The following PUM3 variants were observed in gnomAD, a reference collection of about 807,000 sequenced individuals.
The protein encoded by PUM3 is pumilio RNA binding family member 3.
Under a neutral mutation model 84.0 loss-of-function variants are expected in PUM3, and 91 were observed. That is an observed-to-expected ratio of 1.08 (90% CI 0.91 to 1.29). PUM3 has a LOEUF of 1.29. Ranked by LOEUF, PUM3 falls within the 50% of genes most tolerant of loss-of-function variation. The pLI, the probability that PUM3 is intolerant of heterozygous loss-of-function variation, is 0.00. For synonymous variants in PUM3, 321 were observed against 266.7 expected, an observed-to-expected ratio of 1.20 and a Z score of -1.98; for missense variants, 1,067 against 767.5, an observed-to-expected ratio of 1.39 and a Z score of -4.61.
chr9:2,807,522 G>C (rs1390130821), intron 17 of PUM3, among the ~76,000 whole-genome samples: 1 of 140,476 alleles, frequency 7.1e-6, no homozygotes, highest in Non-Finnish European at 1.5e-5. Context: ...AGGAAAACTT[G>C]AGCCCAGGAG....
chr9:2,814,773 T>A (rs1282032313), intron 13 of PUM3, among the ~76,000 whole-genome samples: 1 of 151,430 alleles, frequency 6.6e-6, no homozygotes, highest in Non-Finnish European at 1.5e-5. Flanking sequence ...CTCTGAAATA[T>A]AACACCTTTA....
intron 13 of PUM3, among the ~76,000 whole-genome samples, chr9:2,819,777 T>C (rs1821548625): frequency 6.6e-6 from 1 of 152,218 alleles, no homozygotes; most frequent in Admixed American, 6.5e-5. Context: ...ATAAAAGTGT[T>C]AAATCTTAAT....
At chr9:2,821,443 CAAA>C (rs572752267) in intron 12 of PUM3, among the ~76,000 whole-genome samples, 22 of 50,128 alleles carry the variant, frequency 4.4e-4, no homozygotes, top group African/African-American at 1.5e-3. Flanking sequence ...GACTCTGTCT[CAAA>C]AAAAAAAAAA....
intron 1 of PUM3, among the ~76,000 whole-genome samples, chr9:2,843,416 A>C (rs923655743): frequency 1.1e-4 from 16 of 151,980 alleles, no homozygotes; most frequent in African/African-American, 3.9e-4. Flanking sequence ...ATCTGCGTAC[A>C]TTCAGGCAAA....
In PUM3 at chr9:2,829,921, G is replaced by A. The variant is rs150249969; in HGVS notation, c.705C>T (p.Ile235=). The A allele has an allele frequency of 1.9e-6, 3 of 1,613,282 alleles. No individual in the cohort carries two copies. In the African/African-American group the frequency reaches 4.0e-5, roughly 22 times the overall value. Residue 235 remains isoleucine (I), a synonymous_variant, in exon 8 of 18, where the codon ATC becomes ATT. Coordinates refer to ENST00000397885, the MANE Select transcript of PUM3 (RefSeq NM_014878.5). Reference sequence around the variant, plus strand: ...TCCTCACGTGGCCTTTAAAACTTCTGATTATCTCTGCAATCTGTGGTTTAC... The same window carrying A: ...TCCTCACGTGGCCTTTAAAACTTCTAATTATCTCTGCAATCTGTGGTTTAC... ...YGSKPQIAEI[I]RSFKGHVRKM... is the part of the protein sequence containing the mutation.
intron 1 of PUM3, among the ~76,000 whole-genome samples, chr9:2,841,962 C>G (rs1939813669): frequency 6.6e-6 from 1 of 152,206 alleles, no homozygotes; most frequent in Non-Finnish European, 1.5e-5. Flanking sequence ...AGTCCTGTCA[C>G]TCTAAAAAGT....
chr9:2,828,489 C>T, intron 9 of PUM3, 186 bp downstream of exon 9: 2 of 543,706 alleles, frequency 3.7e-6, no homozygotes, highest in Non-Finnish European at 6.5e-6. Context: ...TTATAGGGTA[C>T]AATATCAGAA....
At chr9:2,810,531 G>T in intron 15 of PUM3, 100 bp from the exon 16 acceptor site, 1 of 774,156 alleles carries the variant, frequency 1.3e-6, no homozygotes, top group Non-Finnish European at 2.1e-6. Context: ...TACAGATAAG[G>T]ACTCAGCCAC....
intron 13 of PUM3, 132 bp from the exon 14 acceptor site, chr9:2,812,494 A>T: frequency 1.6e-6 from 1 of 637,730 alleles, no homozygotes; most frequent in Non-Finnish European, 2.6e-6. Flanking sequence ...AAATTATAGT[A>T]TATGTGCTGC....
At chr9:2,842,850 A>T (rs1276704673) in intron 1 of PUM3, among the ~76,000 whole-genome samples, 1 of 152,170 alleles carries the variant, frequency 6.6e-6, no homozygotes, top group Admixed American at 6.5e-5. Flanking sequence ...AAACAACAAT[A>T]TACTATTTTT....
chr9:2,813,758 G>T (rs947866294), intron 13 of PUM3, among the ~76,000 whole-genome samples: 3 of 152,176 alleles, frequency 2.0e-5, no homozygotes, highest in African/African-American at 7.2e-5. Flanking sequence ...TGATGATGCT[G>T]CTCCAGGTTC....
At chr9:2,804,531 C>A in intron 17 of PUM3, 68 bp from the exon 18 acceptor site, 1 of 1,454,714 alleles carries the variant, frequency 6.9e-7, no homozygotes, top group Non-Finnish European at 9.3e-7. Flanking sequence ...CCTGTACCAA[C>A]AGTAAAAAAG....
intron 8 of PUM3, among the ~76,000 whole-genome samples, chr9:2,829,279 T>A (rs1040534646): frequency 3.3e-5 from 5 of 152,232 alleles, no homozygotes; most frequent in African/African-American, 1.2e-4. Context: ...CTAGTCCCAC[T>A]GCTAACTATT....
At chr9:2,828,611 T>C in intron 9 of PUM3, 64 bp downstream of exon 9, 4 of 960,398 alleles carry the variant, frequency 4.2e-6, no homozygotes, top group Non-Finnish European at 5.0e-6. Context: ...TGGGCAACAG[T>C]TATGGAAAAC....
intron 3 of PUM3, among the ~76,000 whole-genome samples, chr9:2,834,612 T>C (rs978077405): frequency 6.6e-6 from 1 of 152,210 alleles, no homozygotes; most frequent in African/African-American, 2.4e-5. Context: ...AAGTCACTTA[T>C]TTCTTACAAC....
Position 2,824,924 on chromosome 9 carries a change from G to C in PUM3, c.1036-109C>G, listed in dbSNP as rs559645177. The C allele has an allele frequency of 8.1e-4, 457 of 567,522 alleles. 4 individuals carry two copies. Among genetic ancestry groups the C allele is most frequent in the Middle Eastern group, 5.4e-3 (19 of 3,506 alleles). The allele number at this position is 567,522 out of a possible 1,614,324, so 35.2% of individuals were successfully genotyped here. On this transcript the variant is annotated intron_variant, in intron 10 of 17. Coordinates refer to ENST00000397885, the MANE Select transcript of PUM3 (RefSeq NM_014878.5). Reference sequence around the variant, plus strand: ...TTATGCAGAGAGAAGGAAAGGAAGAGAGTGCCAGGTAGCAAACAATTTCAT... The same window carrying C: ...TTATGCAGAGAGAAGGAAAGGAAGACAGTGCCAGGTAGCAAACAATTTCAT...
At chr9:2,840,963 T>C (rs139537204) in intron 1 of PUM3, among the ~76,000 whole-genome samples, 2 of 152,356 alleles carry the variant, frequency 1.3e-5, no homozygotes, top group Non-Finnish European at 2.9e-5. Flanking sequence ...GAAACACATA[T>C]ATGTATATTA....
intron 1 of PUM3, among the ~76,000 whole-genome samples, chr9:2,843,494 G>C (rs900431993): frequency 1.3e-5 from 2 of 152,134 alleles, no homozygotes; most frequent in South Asian, 2.1e-4. Context: ...GCACGGGCTG[G>C]GATTCCGGAG....
chr9:2,831,696 A>C (rs1815986466), intron 5 of PUM3, among the ~76,000 whole-genome samples: 1 of 152,140 alleles, frequency 6.6e-6, no homozygotes, highest in South Asian at 2.1e-4. Context: ...AAAGGGAAAT[A>C]TTTCTGTTTA....
Sources: allele counts gnomAD v4.1 joint callset (sites outside exome capture counted in the v4.1 genomes callset), GRCh38; gene constraint gnomAD v4.1.1; transcripts MANE v1.5; gene names NCBI Gene and HGNC (gene_info 2026-07-23, HGNC 2026-07-21).